NCAM2: variants seen among roughly 807,000 people sequenced by gnomAD.
NCAM2 encodes N-CAM-2.
Under a neutral mutation model 98.1 loss-of-function variants are expected in NCAM2, and 30 were observed. The observed-to-expected ratio is 0.31, with a 90% CI of 0.23 to 0.41. The LOEUF is 0.41. Among genes scored for constraint, NCAM2 ranks in the 10% least tolerant of loss-of-function variants. The pLI is 1.00. For missense variants in NCAM2, 867 were observed against 1,005.8 expected (o/e 0.86, Z 1.87); for synonymous variants, 368 against 342.4 (o/e 1.07, Z -0.83).
chr21:21,095,344 T>G (rs570807487), intron 1 of NCAM2, among the ~76,000 whole-genome samples: 2 of 151,682 alleles, frequency 1.3e-5, no homozygotes, highest in East Asian at 3.9e-4. Context: ...ACTGAAGTGC[T>G]AGTGTAATTG....
intron 1 of NCAM2, among the ~76,000 whole-genome samples, chr21:21,247,978 G>T (rs977640669): frequency 1.3e-5 from 2 of 151,868 alleles, no homozygotes; most frequent in Non-Finnish European, 2.9e-5. Context: ...TCCTGTAGTT[G>T]GGGATAAGGC....
intron 9 of NCAM2, among the ~76,000 whole-genome samples, chr21:21,381,882 G>C (rs1204454058): frequency 6.6e-6 from 1 of 151,916 alleles, no homozygotes; most frequent in South Asian, 2.1e-4. Context: ...TTGTAGAGCA[G>C]ATTTTCCAGA....
chr21:21,181,112 G>A (rs538926253), intron 1 of NCAM2, among the ~76,000 whole-genome samples: 10 of 152,118 alleles, frequency 6.6e-5, no homozygotes, highest in African/African-American at 1.7e-4. Context: ...GGCTTGCTTC[G>A]ATTACATTTT....
At chr21:21,350,442 A>C (rs993318552) in intron 8 of NCAM2, among the ~76,000 whole-genome samples, 9 of 152,150 alleles carry the variant, frequency 5.9e-5, no homozygotes, top group Non-Finnish European at 1.0e-4. Context: ...ATAGTGATAG[A>C]ATTATATTAT....
chr21:21,069,203 A>G (rs1225741136), intron 1 of NCAM2, among the ~76,000 whole-genome samples: 1 of 152,206 alleles, frequency 6.6e-6, no homozygotes, highest in East Asian at 1.9e-4. Context: ...TGAATTCACT[A>G]ATTCTTATCT....
chr21:21,339,781 G>A (rs2074974357), intron 8 of NCAM2, among the ~76,000 whole-genome samples: 1 of 151,808 alleles, frequency 6.6e-6, no homozygotes, highest in African/African-American at 2.4e-5. Flanking sequence ...CACCAAAAAA[G>A]TAACTTCTCT....
rs114143800 is a variant in NCAM2 at position 21,040,038 on chromosome 21, T to C, written c.55+41420T>C. On this transcript the variant is annotated intron_variant, in intron 1 of 17. Coordinates refer to ENST00000400546, the MANE Select transcript of NCAM2 (RefSeq NM_004540.5). ...TATTACTGTTAAGGGCAACCTTCGC[T>C]AGCACATTGTAATTCTCTCTACAGT... Among the ~76,000 whole-genome samples the C allele has an allele frequency of 9.6e-3, 1,466 of 152,290 alleles. 20 individuals carry two copies. Among genetic ancestry groups the C allele is most frequent in the African/African-American group, 0.034 (1,410 of 41,564 alleles).
At chr21:21,472,818 C>T (rs746304383) in intron 14 of NCAM2, among the ~76,000 whole-genome samples, 2 of 151,484 alleles carry the variant, frequency 1.3e-5, no homozygotes, top group Middle Eastern at 3.2e-3. Flanking sequence ...TTATGTAGGG[C>T]CTAATTTTAA....
At chr21:21,095,368 G>A (rs759139343) in intron 1 of NCAM2, among the ~76,000 whole-genome samples, 23 of 151,496 alleles carry the variant, frequency 1.5e-4, no homozygotes, top group Non-Finnish European at 3.0e-4. Context: ...ATTGATTATG[G>A]TAAATGTATG....
intron 9 of NCAM2, among the ~76,000 whole-genome samples, chr21:21,391,075 G>A (rs562833643): frequency 1.3e-5 from 2 of 152,174 alleles, no homozygotes; most frequent in African/African-American, 4.8e-5. Context: ...ATATTTAGTC[G>A]AGTGTGGTAG....
chr21:21,114,031 G>A (rs2066504410), intron 1 of NCAM2, among the ~76,000 whole-genome samples: 1 of 152,100 alleles, frequency 6.6e-6, no homozygotes, highest in Non-Finnish European at 1.5e-5. Context: ...TGTAGCTTGT[G>A]TAGCCATCAT....
intron 5 of NCAM2, among the ~76,000 whole-genome samples, chr21:21,322,363 T>C (rs568099222): frequency 6.6e-6 from 1 of 152,166 alleles, no homozygotes; most frequent in African/African-American, 2.4e-5. Flanking sequence ...ATGCTAACTA[T>C]CTGGATGACA....
intron 1 of NCAM2, among the ~76,000 whole-genome samples, chr21:21,014,111 G>A (rs1329121780): frequency 1.3e-5 from 2 of 152,184 alleles, no homozygotes; most frequent in East Asian, 3.9e-4. Flanking sequence ...CTAAGCTGAA[G>A]GCAATGCCCA....
At chr21:21,502,123 T>C (rs73218008) in intron 15 of NCAM2, among the ~76,000 whole-genome samples, 7 of 152,118 alleles carry the variant, frequency 4.6e-5, no homozygotes, top group South Asian at 2.1e-4. Context: ...ACACTTTATA[T>C]TAAGTATTTC....
At chr21:21,156,422 G>A (rs1045447025) in intron 1 of NCAM2, among the ~76,000 whole-genome samples, 3 of 151,844 alleles carry the variant, frequency 2.0e-5, no homozygotes, top group Non-Finnish European at 4.4e-5. Context: ...TTTAGTCTGG[G>A]TATGCAGAGT....
At chr21:21,509,209 C>T (rs780741802) in intron 16 of NCAM2, among the ~76,000 whole-genome samples, 154 bp downstream of exon 16, 7 of 152,110 alleles carry the variant, frequency 4.6e-5, no homozygotes, top group African/African-American at 9.7e-5. Context: ...GACCTTGAAA[C>T]TATGTATCCT....
At chr21:21,225,390 T>A (rs1250529825) in intron 1 of NCAM2, among the ~76,000 whole-genome samples, 1 of 152,018 alleles carries the variant, frequency 6.6e-6, no homozygotes, top group Non-Finnish European at 1.5e-5. Flanking sequence ...ATCCTGCACA[T>A]GTACCCCAGA....
intron 5 of NCAM2, among the ~76,000 whole-genome samples, chr21:21,312,951 CTT>C (rs1211525050): frequency 6.6e-6 from 1 of 151,126 alleles, no homozygotes; most frequent in East Asian, 1.9e-4. Flanking sequence ...TTTTGAGTAA[CTT>C]TGTGGTTTCT....
At chr21:21,039,567 A>G (rs2064864206) in intron 1 of NCAM2, among the ~76,000 whole-genome samples, 1 of 152,216 alleles carries the variant, frequency 6.6e-6, no homozygotes, top group Non-Finnish European at 1.5e-5. Flanking sequence ...CCATAAATAT[A>G]TGCAAATAAA....
Sources: allele counts gnomAD v4.1 joint callset (sites outside exome capture counted in the v4.1 genomes callset), GRCh38; gene constraint gnomAD v4.1.1; transcripts MANE v1.5; gene names NCBI Gene and HGNC (gene_info 2026-07-23, HGNC 2026-07-21).